Variants in FBXO34 observed in about 807,000 individuals in gnomAD.
The protein encoded by FBXO34 is F-box protein 34.
FBXO34 carries 12 observed loss-of-function variants against 24.5 expected under a neutral mutation model. That is an observed-to-expected ratio of 0.49 (90% CI 0.31 to 0.79). FBXO34 has a LOEUF of 0.79. Among genes scored for constraint, FBXO34 ranks in the 30% least tolerant of loss-of-function variants. FBXO34 has a pLI of 0.04. For synonymous variants in FBXO34, 320 were observed against 311.9 expected (o/e 1.03, Z -0.27); for missense variants, 823 against 857.7 (o/e 0.96, Z 0.51).
rs1881138498 is a variant in FBXO34 at position 55,271,437 on chromosome 14, C to G, written c.-111C>G. On this transcript the variant is annotated 5_prime_UTR_variant, in exon 1 of 2. Transcript: ENST00000313833. ...GCGCTGGGTGCTCGGTCCGACTCAG[C>G]GGTGGGGAGTGAGCCAGGCCTCCCG... The G allele has an allele frequency of 6.6e-6, 1 of 152,092 alleles. No individual in the cohort carries two copies. The allele number at this position is 152,092 out of a possible 1,614,324, so 9.4% of individuals were successfully genotyped here. A position where few individuals can be genotyped will look rare whatever the true frequency, so the allele number is the denominator to read the frequency against.
the FBXO34 span, among the ~76,000 whole-genome samples, chr14:55,379,934 A>T: frequency 6.6e-6 from 1 of 152,134 alleles, no homozygotes; most frequent in Non-Finnish European, 1.5e-5. Context: ...GTTTTTTATT[A>T]AAAAACAACA....
intron 1 of FBXO34, among the ~76,000 whole-genome samples, chr14:55,275,860 T>C (rs567946438): frequency 1.4e-4 from 21 of 146,388 alleles, no homozygotes; most frequent in South Asian, 1.1e-3. Flanking sequence ...AACTATGTTA[T>C]GCTAGATTGG....
chr14:55,389,566 A>G, the FBXO34 span, among the ~76,000 whole-genome samples: 1 of 152,224 alleles, frequency 6.6e-6, no homozygotes, highest in Non-Finnish European at 1.5e-5. Context: ...GACAAGAAAA[A>G]GGGATTCACG....
rs866883420 is a variant in FBXO34, at chr14:55,338,933, A to G, written c.-10-11448A>G. The stretch of plus-strand genomic sequence containing the variant: ...AAACAAAAAAAAACAAAAAAAAAAA[A>G]GCCAAAAAAAACCCCCCAAAAAAAC... On this transcript the variant is annotated intron_variant, in intron 1 of 1. Transcript: ENST00000313833. Among the ~76,000 whole-genome samples, 44 of 151,174 alleles carry G rather than the reference A, an allele frequency of 2.9e-4. 3 individuals are homozygous for G. The South Asian group carries it at 9.0e-3, about 31-fold the overall frequency.
downstream of FBXO34, among the ~76,000 whole-genome samples, chr14:55,365,947 TA>T (rs1420766695): frequency 6.6e-6 from 1 of 152,118 alleles, no homozygotes; most frequent in Admixed American, 6.5e-5. Flanking sequence ...AAATTAGTTA[TA>T]AAAAATAAGG....
chr14:55,392,470 A>G, the FBXO34 span, among the ~76,000 whole-genome samples: 1 of 152,138 alleles, frequency 6.6e-6, no homozygotes, highest in Non-Finnish European at 1.5e-5. Flanking sequence ...CAACATGGCG[A>G]AACCCCATCT....
the FBXO34 span, chr14:55,390,838 T>C: frequency 9.5e-7 from 1 of 1,049,468 alleles, no homozygotes; most frequent in South Asian, 1.4e-5. Context: ...TCTGTGTCCC[T>C]CTAGTTTATT....
At chr14:55,370,004 C>T (rs1332405861), downstream of FBXO34, 48 of 1,416,878 alleles carry the variant, frequency 3.4e-5, no homozygotes, top group Non-Finnish European at 4.3e-5. Flanking sequence ...CCTGAAGGCC[C>T]TCACCTGAGG....
At chr14:55,319,364 T>C (rs574359054) in intron 1 of FBXO34, among the ~76,000 whole-genome samples, 5 of 152,332 alleles carry the variant, frequency 3.3e-5, no homozygotes, top group African/African-American at 1.2e-4. Flanking sequence ...AAAAATCCAG[T>C]ATACAGAAAT....
At chr14:55,364,518 A>G (rs1321011924), downstream of FBXO34, among the ~76,000 whole-genome samples, 3 of 151,552 alleles carry the variant, frequency 2.0e-5, no homozygotes, top group Admixed American at 6.6e-5. Context: ...TCTGCCTCCT[A>G]GTTTCATGTG....
Position 55,352,349 on chromosome 14 carries a change from C to G in FBXO34, c.1959C>G (p.Pro653=), listed in dbSNP as rs904315742. ...CCCTGTGCCGATGGCACCCCAAGCC[C>G]TATTGCCAGGCATTGCCCTATGGGC... The part of the protein sequence containing the change: ...DVSLCRWHPK[P]YCQALPYGPG... Residue 653 remains proline, a synonymous_variant, in exon 2 of 2, where the codon CCC becomes CCG. Coordinates refer to ENST00000313833, the MANE Select transcript of FBXO34 (RefSeq NM_017943.4). 6.2e-7 allele frequency: 1 copy of G among 1,614,236 alleles called. No individual in the cohort carries two copies.
chr14:55,414,903 A>G, the FBXO34 span, among the ~76,000 whole-genome samples: 2 of 152,380 alleles, frequency 1.3e-5, no homozygotes, highest in East Asian at 3.8e-4. Context: ...TTAGTTTAAA[A>G]TTCTAAATTT....
intron 1 of FBXO34, among the ~76,000 whole-genome samples, chr14:55,324,868 A>G (rs932348524): frequency 1.3e-5 from 2 of 152,222 alleles, no homozygotes; most frequent in African/African-American, 4.8e-5. Flanking sequence ...AATTTATTTG[A>G]ACAGTCTGGA....
intron 1 of FBXO34, among the ~76,000 whole-genome samples, chr14:55,275,339 A>C (rs1198293799): frequency 1.3e-5 from 2 of 152,228 alleles, no homozygotes; most frequent in Non-Finnish European, 2.9e-5. Flanking sequence ...TGGTTATTGC[A>C]TTATTAGGTA....
chr14:55,321,644 G>A (rs1360286212), intron 1 of FBXO34, among the ~76,000 whole-genome samples: 2 of 152,110 alleles, frequency 1.3e-5, no homozygotes, highest in Non-Finnish European at 2.9e-5. Context: ...TGATCTGCCC[G>A]CCTCAGCCTC....
At chr14:55,345,593 C>A (rs1010128530) in intron 1 of FBXO34, among the ~76,000 whole-genome samples, 1 of 152,336 alleles carries the variant, frequency 6.6e-6, no homozygotes, top group Non-Finnish European at 1.5e-5. Context: ...TGCTATCCTT[C>A]TGACACATAT....
At chr14:55,370,780 A>ACAGGCACCTGC (rs888746358), downstream of FBXO34, among the ~76,000 whole-genome samples, 2 of 151,990 alleles carry the variant, frequency 1.3e-5, no homozygotes, top group Admixed American at 1.3e-4. Context: ...AGCTGGGATT[A>ACAGGCACCTGC]CAGGCACCTG....
chr14:55,394,355 C>A, the FBXO34 span, among the ~76,000 whole-genome samples: 2 of 152,216 alleles, frequency 1.3e-5, no homozygotes, highest in South Asian at 2.1e-4. Flanking sequence ...AAGATCAGTA[C>A]ACAGACATTT....
chr14:55,318,162 T>C (rs1465067411), intron 1 of FBXO34: 1 of 151,838 alleles, frequency 6.6e-6, no homozygotes, highest in East Asian at 1.9e-4. Flanking sequence ...CCTGTGAGTT[T>C]ATGTCTTTAC....
Sources: gnomAD v4.1 joint callset for allele counts (sites outside exome capture counted in the v4.1 genomes callset) on GRCh38, gnomAD v4.1.1 for gene constraint, MANE v1.5 for transcripts, NCBI Gene and HGNC (gene_info 2026-07-23, HGNC 2026-07-21) for gene names.